THSD7B: variants seen among roughly 807,000 people sequenced by gnomAD.
THSD7B encodes thrombospondin type-1 domain-containing protein 7B.
THSD7B carries 138 observed loss-of-function variants against 213.6 expected under a neutral mutation model. The observed-to-expected ratio is 0.65, with a 90% CI of 0.56 to 0.74. The LOEUF is 0.74. Ranked by LOEUF, THSD7B falls within the 30% of genes least tolerant of loss-of-function variation. The pLI is 0.00. For synonymous variants in THSD7B, 742 were observed against 687.0 expected (o/e 1.08, Z -1.25); for missense variants, 1,931 against 1,991.5 (o/e 0.97, Z 0.58).
rs150373455 is a variant in THSD7B, at chr2:137,217,618, T to A, written c.1724-13426T>A. 3.9e-5 allele frequency among the ~76,000 whole-genome samples: 6 copies of A among 152,294 alleles called. No individual in the cohort carries two copies. The East Asian group carries it at 1.2e-3, about 29-fold the overall frequency. ...AGTATTCATAGCAGTAGAACCTTGATCAAATATATTGATGGTGATACATTT... is the reference window on the plus strand; with the variant it reads ...AGTATTCATAGCAGTAGAACCTTGAACAAATATATTGATGGTGATACATTT... On this transcript the variant is annotated intron_variant, in intron 7 of 27. Coordinates refer to ENST00000409968, the MANE Select transcript of THSD7B (RefSeq NM_001316349.2).
intron 1 of THSD7B, among the ~76,000 whole-genome samples, chr2:136,820,134 C>T (rs1258199251): frequency 6.6e-6 from 1 of 152,166 alleles, no homozygotes; most frequent in Non-Finnish European, 1.5e-5. Flanking sequence ...TATTTCTCCA[C>T]CTTTTCTGGA....
intron 1 of THSD7B, among the ~76,000 whole-genome samples, chr2:136,826,372 G>A (rs540323567): frequency 2.0e-5 from 3 of 152,256 alleles, no homozygotes; most frequent in African/African-American, 7.2e-5. Flanking sequence ...GAGGTAAATC[G>A]GATTCATCCT....
intron 2 of THSD7B, among the ~76,000 whole-genome samples, chr2:137,031,609 G>A (rs10181676): frequency 0.58 from 88,209 of 151,716 alleles, 29,577 homozygotes; most frequent in Non-Finnish European, 0.73. Flanking sequence ...TTCAAAAAGA[G>A]GCATAACAAA....
intron 3 of THSD7B, among the ~76,000 whole-genome samples, chr2:137,073,003 T>C (rs948708960): frequency 6.6e-6 from 1 of 151,806 alleles, no homozygotes; most frequent in Admixed American, 6.6e-5. Context: ...GGATTCAGTT[T>C]GCCAGTATTT....
At chr2:137,380,274 C>T (rs968024744) in intron 12 of THSD7B, among the ~76,000 whole-genome samples, 1 of 149,542 alleles carries the variant, frequency 6.7e-6, no homozygotes, top group Non-Finnish European at 1.5e-5. Context: ...AAAAAAATAG[C>T]CACGCATGGT....
chr2:137,048,452 AGAAAG>A (rs1687007925), intron 2 of THSD7B, among the ~76,000 whole-genome samples: 1 of 152,228 alleles, frequency 6.6e-6, no homozygotes, highest in South Asian at 2.1e-4. Context: ...ATCTGCTACT[AGAAAG>A]AGATATGGGT....
intron 2 of THSD7B, among the ~76,000 whole-genome samples, chr2:137,042,837 A>G (rs1432162556): frequency 6.6e-6 from 1 of 152,226 alleles, no homozygotes; most frequent in African/African-American, 2.4e-5. Context: ...ATGTAATTGT[A>G]AAGTCCCTCC....
At chr2:137,389,403 T>C (rs76998620) in intron 12 of THSD7B, among the ~76,000 whole-genome samples, 1,886 of 12,136 alleles carry the variant, frequency 0.16, 48 homozygotes, top group Non-Finnish European at 0.35. Context: ...CTTAATGTGA[T>C]TTTTTTTTTT....
chr2:137,020,390 C>T (rs1686420504), intron 2 of THSD7B, among the ~76,000 whole-genome samples: 1 of 152,164 alleles, frequency 6.6e-6, no homozygotes, highest in Admixed American at 6.5e-5. Context: ...CTTTCCAGAC[C>T]TGCTAAATGC....
At chr2:136,987,879 C>T (rs1685696977) in intron 2 of THSD7B, among the ~76,000 whole-genome samples, 1 of 152,136 alleles carries the variant, frequency 6.6e-6, no homozygotes, top group African/African-American at 2.4e-5. Context: ...AAGACTTCCC[C>T]ACATCTTTAG....
intron 3 of THSD7B, among the ~76,000 whole-genome samples, chr2:137,091,133 G>C (rs1344914370): frequency 1.3e-5 from 2 of 152,154 alleles, no homozygotes; most frequent in Non-Finnish European, 2.9e-5. Context: ...ACAAGAATTA[G>C]GATCCCTTTT....
intron 2 of THSD7B, among the ~76,000 whole-genome samples, chr2:136,892,004 C>G (rs529707313): frequency 6.6e-6 from 1 of 152,054 alleles, no homozygotes; most frequent in African/African-American, 2.4e-5. Flanking sequence ...ACTTAACTAG[C>G]TGGGGTTGGA....
rs561463877 is a variant in THSD7B, at chr2:137,296,207, A to G, written c.2500+20181A>G. ...TCAGACTTAGGATAATTCATGTTAT[A>G]TGTGGTTTACAAATTTATTGAATCC... On this transcript the variant is annotated intron_variant, in intron 12 of 27. Coordinates refer to ENST00000409968, the MANE Select transcript of THSD7B (RefSeq NM_001316349.2). 2.6e-4 allele frequency among the ~76,000 whole-genome samples: 40 copies of G among 152,282 alleles called. No individual in the cohort carries two copies. In the South Asian group the frequency reaches 6.9e-3, roughly 26 times the overall value.
At chr2:137,286,162 T>C (rs1439274994) in intron 12 of THSD7B, among the ~76,000 whole-genome samples, 1 of 151,914 alleles carries the variant, frequency 6.6e-6, no homozygotes, top group Non-Finnish European at 1.5e-5. Flanking sequence ...TATATATTTA[T>C]ATAAAACAAA....
Position 137,434,890 on chromosome 2 carries a change from CAT to C in THSD7B, c.2960-15954_2960-15953del, listed in dbSNP as rs1491425659. Among the ~76,000 whole-genome samples, 3 of 152,174 alleles carry C rather than the reference CAT, an allele frequency of 2.0e-5. No homozygotes were observed. The East Asian group carries it at 5.8e-4, about 29-fold the overall frequency. On this transcript the variant is annotated intron_variant, in intron 14 of 27. Coordinates refer to ENST00000409968, the MANE Select transcript of THSD7B (RefSeq NM_001316349.2). ...AGCCTATAATTATGTCAGCTGCAAA[CAT>C]TTTTTTCTTCCATTAAGATGTACTT...
intron 7 of THSD7B, among the ~76,000 whole-genome samples, chr2:137,225,705 G>T (rs1681481021): frequency 6.6e-6 from 1 of 152,106 alleles, no homozygotes; most frequent in Non-Finnish European, 1.5e-5. Flanking sequence ...CCAAATATCA[G>T]ATGCTATTGT....
chr2:136,787,341 A>G lies in THSD7B; in HGVS notation c.-36+21654A>G, dbSNP rs146299019. Among the ~76,000 whole-genome samples the G allele has an allele frequency of 1.8e-3, 275 of 152,108 alleles. 7 individuals are homozygous for G. The East Asian group carries it at 0.042, about 23-fold the overall frequency. On this transcript the variant is annotated intron_variant, in intron 1 of 27. Coordinates refer to ENST00000409968, the MANE Select transcript of THSD7B (RefSeq NM_001316349.2). ...TTTTATGAGCTCTGACAATTTTTTC[A>G]TAAGCCCTCTCTTTTTTAGCTCTCT...
intron 12 of THSD7B, among the ~76,000 whole-genome samples, chr2:137,339,425 G>A (rs1684709056): frequency 6.6e-6 from 1 of 152,044 alleles, no homozygotes; most frequent in Non-Finnish European, 1.5e-5. Flanking sequence ...GGGGATGTGA[G>A]AATGGATGAA....
chr2:137,569,709 T>G (rs1300521160), intron 16 of THSD7B, among the ~76,000 whole-genome samples: 1 of 152,154 alleles, frequency 6.6e-6, no homozygotes, highest in African/African-American at 2.4e-5. Context: ...GCTAAGGAGT[T>G]ACCAGGAGCC....
Sources: allele counts gnomAD v4.1 joint callset (sites outside exome capture counted in the v4.1 genomes callset), GRCh38; gene constraint gnomAD v4.1.1; transcripts MANE v1.5; gene names NCBI Gene and HGNC (gene_info 2026-07-23, HGNC 2026-07-21).